Variants in NDNF observed in about 807,000 individuals in gnomAD.
The protein encoded by NDNF is neuron derived neurotrophic factor, also known as protein NDNF.
Under a neutral mutation model 42.0 loss-of-function variants are expected in NDNF, and 16 were observed. The observed-to-expected ratio is 0.38, with a 90% CI of 0.26 to 0.58. The LOEUF is 0.58. Ranked by LOEUF, NDNF falls within the 20% of genes least tolerant of loss-of-function variation. The probability of loss-of-function intolerance (pLI) is 0.67; values close to 1 mark genes in which losing one functional copy is unlikely to be tolerated. For missense variants in NDNF, 616 were observed against 666.2 expected (o/e 0.92, Z 0.83); for synonymous variants, 248 against 251.7 (o/e 0.99, Z 0.14).
intron 3 of NDNF, among the ~76,000 whole-genome samples, chr4:121,038,350 T>C (rs983576459): frequency 1.9e-5 from 2 of 104,430 alleles, no homozygotes; most frequent in Admixed American, 9.2e-5. Flanking sequence ...AGACCCTGTC[T>C]CAAAATAAGA....
At chr4:121,057,145 G>A (rs1408759720) in intron 1 of NDNF, among the ~76,000 whole-genome samples, 1 of 152,114 alleles carries the variant, frequency 6.6e-6, no homozygotes, top group East Asian at 1.9e-4. Context: ...GATCCCAGAG[G>A]GCACTCTAAA....
chr4:121,051,059 T>C (rs2148767217), intron 1 of NDNF, among the ~76,000 whole-genome samples: 1 of 152,276 alleles, frequency 6.6e-6, no homozygotes, highest in South Asian at 2.1e-4. Flanking sequence ...TTCAATCAGC[T>C]GATATTGGAG....
chr4:121,068,547 T>C (rs905573413), intron 1 of NDNF, among the ~76,000 whole-genome samples: 2 of 152,300 alleles, frequency 1.3e-5, no homozygotes, highest in East Asian at 3.9e-4. Context: ...AACTATTTTG[T>C]TGGTTATATT....
intron 1 of NDNF, among the ~76,000 whole-genome samples, chr4:121,055,371 G>T (rs983071155): frequency 2.6e-5 from 4 of 152,122 alleles, no homozygotes; most frequent in African/African-American, 9.7e-5. Flanking sequence ...CAGTTGGATT[G>T]CCAGAATGTG....
intron 1 of NDNF, among the ~76,000 whole-genome samples, chr4:121,049,488 T>C (rs999433735): frequency 3.3e-5 from 5 of 152,180 alleles, no homozygotes; most frequent in African/African-American, 1.2e-4. Flanking sequence ...ATAATGATAC[T>C]CTGCCTGAGT....
At chr4:121,069,873 A>C (rs1255449856) in intron 1 of NDNF, among the ~76,000 whole-genome samples, 1 of 152,188 alleles carries the variant, frequency 6.6e-6, no homozygotes, top group Non-Finnish European at 1.5e-5. Context: ...CTGAGGAATA[A>C]ATGATGGGGT....
At chr4:121,064,254 T>C (rs552373895) in intron 1 of NDNF, among the ~76,000 whole-genome samples, 13 of 152,276 alleles carry the variant, frequency 8.5e-5, no homozygotes, top group Admixed American at 6.5e-4. Flanking sequence ...ACTGGGTTGC[T>C]GTGAGGGTTA....
In NDNF at chr4:121,072,411, G is replaced by C. The variant is rs561093919; in HGVS notation, c.-420C>G. On this transcript the variant is annotated 5_prime_UTR_variant, in exon 1 of 4. Coordinates refer to ENST00000379692, the MANE Select transcript of NDNF (RefSeq NM_024574.4). ...CGGGCTTCGCCGGCCGCCGCTAGTC[G>C]CACAGGCGCCTGGCTGGAGCGCCGC... 1 of 151,414 alleles carries C rather than the reference G, an allele frequency of 6.6e-6. No individual in the cohort carries two copies. The highest frequency in any genetic ancestry group is 1.5e-5 in the Non-Finnish European group (1 of 67,860). The allele number at this position is 151,414 out of a possible 1,614,324, so 9.4% of individuals were successfully genotyped here. A position where few individuals can be genotyped will look rare whatever the true frequency, so the allele number is the denominator to read the frequency against.
At position 121,037,378 on chromosome 4, in the gene NDNF, G is replaced by C; in HGVS notation, c.593C>G (p.Pro198Arg). The C allele has an allele frequency of 6.2e-7, 1 of 1,614,136 alleles. No individual in the cohort carries two copies. The highest frequency in any genetic ancestry group is 1.6e-4 in the Middle Eastern group (1 of 6,062). ...GRTTVTLAWKPSPTASLLKQP... is the reference protein window; with the variant it reads ...GRTTVTLAWKRSPTASLLKQP... The stretch of plus-strand genomic sequence containing the variant: ...TTTCAGCAAAGAGGCAGTGGGGCTT[G>C]GTTTCCAGGCCAAAGTGACCGTGGT... Residue 198 changes from proline (P) to arginine (R), a missense_variant, in exon 4 of 4, where the codon CCA becomes CGA. Coordinates refer to ENST00000379692, the MANE Select transcript of NDNF (RefSeq NM_024574.4).
chr4:121,039,726 A>C (rs1347708301), intron 3 of NDNF, among the ~76,000 whole-genome samples: 1 of 152,088 alleles, frequency 6.6e-6, no homozygotes. Context: ...CAATCCCTGT[A>C]CCTGTCTCTC....
intron 3 of NDNF, among the ~76,000 whole-genome samples, chr4:121,039,194 A>ATG (rs1726947828): frequency 7.2e-5 from 1 of 13,968 alleles, no homozygotes; most frequent in African/African-American, 2.4e-4. Flanking sequence ...GTGTGTGTGT[A>ATG]TATATATATA....
intron 2 of NDNF, among the ~76,000 whole-genome samples, chr4:121,041,349 C>A (rs1378847280): frequency 6.6e-6 from 1 of 152,142 alleles, no homozygotes; most frequent in East Asian, 1.9e-4. Flanking sequence ...TGGATTGAAC[C>A]TCCTGGATAT....
intron 1 of NDNF, among the ~76,000 whole-genome samples, chr4:121,051,318 G>A (rs1727190300): frequency 1.3e-5 from 2 of 152,100 alleles, no homozygotes; most frequent in African/African-American, 4.8e-5. Context: ...GTAGGGAGTG[G>A]AGCACATGAT....
At chr4:121,055,010 T>C (rs1411298514) in intron 1 of NDNF, among the ~76,000 whole-genome samples, 1 of 148,752 alleles carries the variant, frequency 6.7e-6, no homozygotes, top group East Asian at 2.0e-4. Context: ...TTTTTTTTTA[T>C]TTTTGTATAG....
intron 1 of NDNF, among the ~76,000 whole-genome samples, chr4:121,068,875 T>A (rs1428937054): frequency 3.3e-5 from 5 of 152,096 alleles, no homozygotes; most frequent in Admixed American, 6.5e-5. Context: ...TTATTCCATT[T>A]CCAATATCTG....
intron 1 of NDNF, among the ~76,000 whole-genome samples, chr4:121,054,681 G>T: frequency 6.6e-6 from 1 of 152,238 alleles, no homozygotes; most frequent in East Asian, 1.9e-4. Context: ...CACCAAGGTT[G>T]CACTAAGCTT....
intron 1 of NDNF, among the ~76,000 whole-genome samples, chr4:121,069,370 A>C (rs1727552275): frequency 6.6e-6 from 1 of 152,232 alleles, no homozygotes; most frequent in Non-Finnish European, 1.5e-5. Flanking sequence ...TTTCAATTAC[A>C]TATTTTGTTA....
chr4:121,041,981 C>T (rs1431872607), intron 2 of NDNF, among the ~76,000 whole-genome samples: 2 of 152,102 alleles, frequency 1.3e-5, no homozygotes, highest in African/African-American at 4.8e-5. Context: ...GACTCATACT[C>T]ACATTTAGAG....
chr4:121,070,564 A>G (rs1051354217), intron 1 of NDNF, among the ~76,000 whole-genome samples: 10 of 152,164 alleles, frequency 6.6e-5, no homozygotes, highest in African/African-American at 2.4e-4. Flanking sequence ...GAAGCGAGGC[A>G]GCAGGAGGAG....
Sources: allele counts gnomAD v4.1 joint callset (sites outside exome capture counted in the v4.1 genomes callset), GRCh38; gene constraint gnomAD v4.1.1; transcripts MANE v1.5; gene names NCBI Gene and HGNC (gene_info 2026-07-23, HGNC 2026-07-21).